ACY3: variants seen among roughly 807,000 people sequenced by gnomAD.
The protein encoded by ACY3 is N-acyl-aromatic-L-amino acid amidohydrolase (carboxylate-forming).
A neutral mutation model predicts 24.6 loss-of-function variants in ACY3; 20 were observed. The ratio of observed to expected loss-of-function variants is 0.81; its 90% CI spans 0.57 to 1.18. The LOEUF is 1.18. Ranked by LOEUF, ACY3 falls within the 50% of genes most tolerant of loss-of-function variation. The pLI is 0.00. For synonymous variants in ACY3, 174 were observed against 188.4 expected (o/e 0.92, Z 0.62); for missense variants, 423 against 426.8 (o/e 0.99, Z 0.08).
chr11:67,647,158 C>G, intron 2 of ACY3, 95 bp from the exon 3 acceptor site: 1 of 928,724 alleles, frequency 1.1e-6, no homozygotes, highest in South Asian at 1.8e-5. Context: ...GGGCAGCCAC[C>G]TGTCAAGAGG....
At chr11:67,643,085 A>G (rs1012681227) in intron 7 of ACY3, 146 bp from the exon 8 acceptor site, 3 of 710,082 alleles carry the variant, frequency 4.2e-6, no homozygotes, top group Admixed American at 2.4e-5. Flanking sequence ...ATATGACAGC[A>G]GGTCTGGTGA....
intron 1 of ACY3, among the ~76,000 whole-genome samples, chr11:67,650,091 G>A (rs942092067): frequency 2.0e-5 from 3 of 152,142 alleles, no homozygotes; most frequent in African/African-American, 7.2e-5. Flanking sequence ...AACAAAGGGC[G>A]GGCACAAGCT....
At chr11:67,649,920 G>A (rs773432944) in intron 1 of ACY3, among the ~76,000 whole-genome samples, 19 of 150,142 alleles carry the variant, frequency 1.3e-4, no homozygotes, top group South Asian at 2.1e-4. Context: ...GTGCATGTGC[G>A]TGAGCATGTG....
At chr11:67,649,595 T>C (rs1427835589) in intron 1 of ACY3, among the ~76,000 whole-genome samples, 2 of 148,704 alleles carry the variant, frequency 1.3e-5, no homozygotes, top group Non-Finnish European at 1.5e-5. Context: ...CATGAGAGCA[T>C]GTGTGTGCGT....
chr11:67,643,389 A>C (rs1855446110), intron 7 of ACY3, among the ~76,000 whole-genome samples: 1 of 152,246 alleles, frequency 6.6e-6, no homozygotes, highest in African/African-American at 2.4e-5. Flanking sequence ...TCTTTATTAA[A>C]TAAATTTTGG....
At chr11:67,649,539 T>G (rs1397272592) in intron 1 of ACY3, among the ~76,000 whole-genome samples, 1 of 152,148 alleles carries the variant, frequency 6.6e-6, no homozygotes, top group Non-Finnish European at 1.5e-5. Flanking sequence ...TGCGCGTGTG[T>G]GCATGTGTGT....
chr11:67,649,953 A>C (rs1416461422), intron 1 of ACY3, among the ~76,000 whole-genome samples: 1 of 152,150 alleles, frequency 6.6e-6, no homozygotes, highest in Non-Finnish European at 1.5e-5. Context: ...TGTTGTGTGC[A>C]CACGTGTGAC....
chr11:67,645,950 G>C, intron 3 of ACY3, 63 bp from the exon 4 acceptor site: 2 of 1,493,136 alleles, frequency 1.3e-6, no homozygotes, highest in Non-Finnish European at 1.8e-6. Context: ...AGTGGTTTAA[G>C]GGGAAAGGGG....
At chr11:67,649,727 G>C (rs989620558) in intron 1 of ACY3, among the ~76,000 whole-genome samples, 1 of 150,882 alleles carries the variant, frequency 6.6e-6, no homozygotes, top group African/African-American at 2.5e-5. Flanking sequence ...GTGTGTGCAT[G>C]AGAGCATGTG....
chr11:67,645,644 T>G (rs1281096766), intron 4 of ACY3, 48 bp downstream of exon 4: 3 of 1,515,454 alleles, frequency 2.0e-6, no homozygotes, highest in Non-Finnish European at 8.9e-7. Flanking sequence ...CTGCCCTCCC[T>G]CCCTCCCACT....
chr11:67,648,439 C>T (rs1056911571), intron 1 of ACY3, among the ~76,000 whole-genome samples: 1 of 152,226 alleles, frequency 6.6e-6, no homozygotes, highest in Admixed American at 6.5e-5. Flanking sequence ...CTGCACTCAG[C>T]CCTGGGGCCT....
chr11:67,644,382 A>G (rs1855467712), intron 7 of ACY3, among the ~76,000 whole-genome samples: 1 of 152,202 alleles, frequency 6.6e-6, no homozygotes, highest in Non-Finnish European at 1.5e-5. Context: ...TCGAGGAACC[A>G]ATTGAAAATC....
At chr11:67,646,637 C>CA (rs890182430) in intron 3 of ACY3, among the ~76,000 whole-genome samples, 171 bp downstream of exon 3, 1 of 152,206 alleles carries the variant, frequency 6.6e-6, no homozygotes, top group Non-Finnish European at 1.5e-5. Flanking sequence ...GAGGTGACAT[C>CA]AATCTTGGTT....
At chr11:67,645,476 C>T in intron 4 of ACY3, 96 bp from the exon 5 acceptor site, 1 of 1,379,868 alleles carries the variant, frequency 7.2e-7, no homozygotes, top group Non-Finnish European at 1.0e-6. Flanking sequence ...GGGCACCACC[C>T]TCCTTGGCCA....
Position 67,645,023 on chromosome 11 carries a change from C to T in ACY3, c.634+22G>A, listed in dbSNP as rs185624961. On this transcript the variant is annotated intron_variant, in intron 6 of 7. Transcript: ENST00000255082. ...CCTGCTCTTCCCCGGACCTGTTTCC[C>T]GAAAGTCCCCTGGGGTCTCACCCTG... The T allele has an allele frequency of 2.9e-4, 474 of 1,612,318 alleles. 3 individuals are homozygous for T. In the African/African-American group the frequency reaches 5.3e-3, roughly 18 times the overall value.
intron 1 of ACY3, among the ~76,000 whole-genome samples, chr11:67,648,216 G>T (rs1258998941): frequency 6.6e-6 from 1 of 152,198 alleles, no homozygotes; most frequent in Non-Finnish European, 1.5e-5. Context: ...AAAATTGTCT[G>T]CAGGCACACA....
intron 3 of ACY3, 117 bp from the exon 4 acceptor site, chr11:67,646,004 T>A: frequency 2.0e-6 from 2 of 1,020,668 alleles, no homozygotes; most frequent in Non-Finnish European, 2.8e-6. Flanking sequence ...GAGCGAGGGC[T>A]TTCCCTTCAG....
chr11:67,649,436 T>C (rs1267918507), intron 1 of ACY3, among the ~76,000 whole-genome samples: 1 of 152,218 alleles, frequency 6.6e-6, no homozygotes, highest in East Asian at 1.9e-4. Context: ...TTCCCTTGGC[T>C]GGGGTCCAGC....
At chr11:67,645,023 C>A in intron 6 of ACY3, 22 bp downstream of exon 6, 1 of 1,612,314 alleles carries the variant, frequency 6.2e-7, no homozygotes, top group Non-Finnish European at 8.5e-7. Context: ...ACCTGTTTCC[C>A]GAAAGTCCCC....
Sources: allele counts gnomAD v4.1 joint callset (sites outside exome capture counted in the v4.1 genomes callset), GRCh38; gene constraint gnomAD v4.1.1; transcripts MANE v1.5; gene names NCBI Gene and HGNC (gene_info 2026-07-23, HGNC 2026-07-21).